Variants in GRHL2 observed in about 807,000 individuals in gnomAD.
GRHL2 encodes grainyhead like transcription factor 2.
A neutral mutation model predicts 83.8 loss-of-function variants in GRHL2; 21 were observed. The observed-to-expected ratio is 0.25, with a 90% CI of 0.18 to 0.36. The LOEUF (loss-of-function observed/expected upper bound fraction) is 0.36, where lower values mean the gene tolerates loss of function less well. Ranked by LOEUF, GRHL2 falls within the 10% of genes least tolerant of loss-of-function variation. The pLI, the probability that GRHL2 is intolerant of heterozygous loss-of-function variation, is 1.00. For missense variants in GRHL2, 623 were observed against 781.8 expected, an observed-to-expected ratio of 0.80 and a Z score of 2.42; for synonymous variants, 280 against 278.9, an observed-to-expected ratio of 1.00 and a Z score of -0.04.
At chr8:101,640,017 T>C (rs1224990334) in intron 12 of GRHL2, among the ~76,000 whole-genome samples, 1 of 152,228 alleles carries the variant, frequency 6.6e-6, no homozygotes, top group Non-Finnish European at 1.5e-5. Flanking sequence ...TGTGTTGACT[T>C]CTCTGCATTA....
Position 101,669,121 on chromosome 8 carries a change from A to G in GRHL2, c.*2418A>G, listed in dbSNP as rs1261219642. The G allele has an allele frequency of 6.6e-6, 1 of 152,188 alleles. No homozygotes were observed. The highest frequency in any genetic ancestry group is 1.5e-5 in the Non-Finnish European group (1 of 68,030). 9.4% of individuals were successfully genotyped at this position (152,188 alleles called of 1,614,324 possible). A position where few individuals can be genotyped will look rare whatever the true frequency, so the allele number is the denominator to read the frequency against. On this transcript the variant is annotated 3_prime_UTR_variant, in exon 16 of 16. Coordinates refer to ENST00000646743, the MANE Select transcript of GRHL2 (RefSeq NM_024915.4). ...TATGTTAGCTGAACTTTGATGAGCA[A>G]AATTTCCTGAGCGAAACACTCCAAA...
At chr8:101,678,504 G>A in the GRHL2 span, among the ~76,000 whole-genome samples, 1 of 152,062 alleles carries the variant, frequency 6.6e-6, no homozygotes, top group African/African-American at 2.4e-5. Context: ...CGAGGCTGGG[G>A]AGGGGCGCCC....
chr8:101,600,664 T>C (rs1484494755), intron 8 of GRHL2, among the ~76,000 whole-genome samples: 3 of 152,236 alleles, frequency 2.0e-5, no homozygotes, highest in African/African-American at 7.2e-5. Flanking sequence ...GCCTCGGTTC[T>C]GGCATGCAGA....
Position 101,507,740 on chromosome 8 carries a change from C to T in GRHL2, c.20+14951C>T, listed in dbSNP as rs997825882. ...TATTTAGATTTTTCCCTGTTTTTTA[C>T]TACTAAGGTCAATACTTGAATGATT... is the stretch of plus-strand genomic sequence containing the variant. On this transcript the variant is annotated intron_variant, in intron 1 of 15. Coordinates refer to ENST00000646743, the MANE Select transcript of GRHL2 (RefSeq NM_024915.4). Among the ~76,000 whole-genome samples, 47 of 138,382 alleles carry T rather than the reference C, an allele frequency of 3.4e-4. 1 individual carries two copies. The highest frequency in any genetic ancestry group is 1.2e-3 in the African/African-American group (44 of 37,690). The allele number at this position is 138,382 out of a possible 152,430, so 90.8% of individuals were successfully genotyped here. A position where few individuals can be genotyped will look rare whatever the true frequency, so the allele number is the denominator to read the frequency against.
chr8:101,562,495 C>T (rs1046801163), intron 4 of GRHL2: 4 of 301,468 alleles, frequency 1.3e-5, no homozygotes, highest in Admixed American at 4.9e-5. Context: ...GCATATTGAA[C>T]CCGTGTGGGT....
At chr8:101,647,045 A>C (rs929323493) in intron 13 of GRHL2, among the ~76,000 whole-genome samples, 9 of 152,214 alleles carry the variant, frequency 5.9e-5, no homozygotes, top group African/African-American at 2.2e-4. Context: ...CACGATTTCA[A>C]AAGAGGAGAT....
chr8:101,662,435 G>A (rs1813941397), intron 14 of GRHL2, among the ~76,000 whole-genome samples: 1 of 152,236 alleles, frequency 6.6e-6, no homozygotes, highest in South Asian at 2.1e-4. Flanking sequence ...ATAGATGGAA[G>A]GGTGGGAATC....
intron 4 of GRHL2, among the ~76,000 whole-genome samples, chr8:101,560,249 G>A (rs1234076297): frequency 1.3e-5 from 2 of 152,094 alleles, no homozygotes; most frequent in Non-Finnish European, 2.9e-5. Context: ...GGCTGGTCTT[G>A]AACTCCTGAC....
intron 8 of GRHL2, among the ~76,000 whole-genome samples, chr8:101,609,417 A>G (rs986642630): frequency 4.6e-5 from 7 of 151,046 alleles, no homozygotes; most frequent in Non-Finnish European, 1.0e-4. Flanking sequence ...TGTTTCAGCC[A>G]GGCCTCCTGG....
At chr8:101,497,938 G>A (rs1332116025) in intron 1 of GRHL2, among the ~76,000 whole-genome samples, 2 of 152,104 alleles carry the variant, frequency 1.3e-5, no homozygotes, top group Non-Finnish European at 2.9e-5. Context: ...CTGAACTGCT[G>A]CTTCTGGAAG....
At chr8:101,555,760 A>G (rs1811477618) in intron 3 of GRHL2, among the ~76,000 whole-genome samples, 1 of 152,186 alleles carries the variant, frequency 6.6e-6, no homozygotes, top group African/African-American at 2.4e-5. Flanking sequence ...TCTTCTACAC[A>G]TAAAGTTTTA....
At chr8:101,571,982 C>G (rs138467404) in intron 5 of GRHL2, among the ~76,000 whole-genome samples, 1 of 152,126 alleles carries the variant, frequency 6.6e-6, no homozygotes, top group Non-Finnish European at 1.5e-5. Flanking sequence ...TCCAGCAGAG[C>G]GAGCATGTCT....
chr8:101,494,246 G>A (rs944984795), intron 1 of GRHL2, among the ~76,000 whole-genome samples: 2 of 152,184 alleles, frequency 1.3e-5, no homozygotes, highest in Non-Finnish European at 1.5e-5. Flanking sequence ...AAGGCCCTGC[G>A]GACCTGTTCA....
intron 6 of GRHL2, among the ~76,000 whole-genome samples, chr8:101,574,903 T>C (rs73701932): frequency 0.09 from 13,744 of 152,284 alleles, 772 homozygotes; most frequent in African/African-American, 0.15. Flanking sequence ...AACAATCCTA[T>C]GAAAAAGGCA....
downstream of GRHL2, among the ~76,000 whole-genome samples, chr8:101,672,857 G>A (rs1385279478): frequency 9.9e-5 from 15 of 151,590 alleles, no homozygotes; most frequent in Non-Finnish European, 1.8e-4. Flanking sequence ...CTGATCTCTC[G>A]GCAGAAACCC....
chr8:101,498,165 C>A (rs1331747783), intron 1 of GRHL2, among the ~76,000 whole-genome samples: 1 of 152,212 alleles, frequency 6.6e-6, no homozygotes, highest in Admixed American at 6.5e-5. Context: ...GTTGCCCAGG[C>A]CGGAGTGCAC....
At chr8:101,554,227 G>A (rs1811445379) in intron 3 of GRHL2, among the ~76,000 whole-genome samples, 1 of 152,176 alleles carries the variant, frequency 6.6e-6, no homozygotes, top group Non-Finnish European at 1.5e-5. Context: ...TTCCATTAGG[G>A]ATCTCCTGAA....
intron 1 of GRHL2, among the ~76,000 whole-genome samples, chr8:101,505,714 T>A (rs530691): frequency 0.37 from 55,985 of 152,062 alleles, 12,266 homozygotes; most frequent in Non-Finnish European, 0.49. Flanking sequence ...ATAAGGTATG[T>A]TTTGTATCAT....
At chr8:101,568,094 AT>A (rs1293713582) in intron 4 of GRHL2, among the ~76,000 whole-genome samples, 2 of 152,126 alleles carry the variant, frequency 1.3e-5, no homozygotes, top group African/African-American at 2.4e-5. Context: ...AATGATGGAA[AT>A]TTTTTTTAAT....
Sources: allele counts gnomAD v4.1 joint callset (sites outside exome capture counted in the v4.1 genomes callset), GRCh38; gene constraint gnomAD v4.1.1; transcripts MANE v1.5; gene names NCBI Gene and HGNC (gene_info 2026-07-23, HGNC 2026-07-21).